The following CD34 variants were observed in gnomAD, a reference collection of about 807,000 sequenced individuals.
CD34 encodes the protein hematopoietic progenitor cell antigen CD34.
A neutral mutation model predicts 40.1 loss-of-function variants in CD34; 34 were observed. The observed-to-expected ratio is 0.85, with a 90% CI of 0.65 to 1.13. The LOEUF (loss-of-function observed/expected upper bound fraction) is 1.13, where lower values mean the gene tolerates loss of function less well. Ranked by LOEUF, CD34 falls within the 50% of genes most tolerant of loss-of-function variation. The pLI, the probability that CD34 is intolerant of heterozygous loss-of-function variation, is 0.00. For missense variants in CD34, 426 were observed against 466.9 expected, an observed-to-expected ratio of 0.91 and a Z score of 0.81; for synonymous variants, 209 against 190.0, an observed-to-expected ratio of 1.10 and a Z score of -0.82.
chr1:207,898,551 AC>A (rs1172245171), intron 3 of CD34, among the ~76,000 whole-genome samples: 2 of 152,188 alleles, frequency 1.3e-5, no homozygotes, highest in East Asian at 3.8e-4. Flanking sequence ...GCCTGGCACA[AC>A]CACCAAACCC....
intron 4 of CD34, among the ~76,000 whole-genome samples, chr1:207,891,692 C>G (rs188806948): frequency 6.6e-6 from 1 of 151,330 alleles, no homozygotes; most frequent in Non-Finnish European, 1.5e-5. Context: ...GTAACAGATG[C>G]CTATGATATC....
At chr1:207,903,006 T>C (rs888692845) in intron 1 of CD34, among the ~76,000 whole-genome samples, 1 of 152,106 alleles carries the variant, frequency 6.6e-6, no homozygotes, top group East Asian at 1.9e-4. Flanking sequence ...GAGCACCCTC[T>C]GAGACACCAG....
chr1:207,910,025 A>C (rs1211019367), intron 1 of CD34, among the ~76,000 whole-genome samples: 1 of 152,262 alleles, frequency 6.6e-6, no homozygotes, highest in Admixed American at 6.5e-5. Flanking sequence ...AGCAATGTAC[A>C]AAGTTTCAAA....
At chr1:207,894,345 A>G (rs1662107239) in intron 4 of CD34, among the ~76,000 whole-genome samples, 1 of 152,196 alleles carries the variant, frequency 6.6e-6, no homozygotes, top group Non-Finnish European at 1.5e-5. Flanking sequence ...AGGTACCTAG[A>G]GTAGGCAAAG....
At chr1:207,898,801 C>T (rs1662204085) in intron 3 of CD34, among the ~76,000 whole-genome samples, 172 bp downstream of exon 3, 1 of 152,248 alleles carries the variant, frequency 6.6e-6, no homozygotes, top group South Asian at 2.1e-4. Context: ...TACCCCTTTC[C>T]TCCTCTTTCT....
At chr1:207,898,346 T>C (rs1172075688) in intron 3 of CD34, among the ~76,000 whole-genome samples, 1 of 152,106 alleles carries the variant, frequency 6.6e-6, no homozygotes, top group African/African-American at 2.4e-5. Context: ...CGCCTGGCCC[T>C]GGCTCCTTTA....
rs1406918496 is a variant in CD34 at position 207,886,460 on chromosome 1, C to T, written c.*1278G>A. ...GCTGGTCCTCCCCACCACATCACTG[C>T]ACAGTCTAGCTAGGTCTAATGGAGG... On this transcript the variant is annotated 3_prime_UTR_variant, in exon 8 of 8. Coordinates refer to ENST00000310833, the MANE Select transcript of CD34 (RefSeq NM_001025109.2). 1 of 152,380 alleles carries T rather than the reference C, an allele frequency of 6.6e-6. No individual in the cohort carries two copies. The allele number at this position is 152,380 out of a possible 1,614,324, so 9.4% of individuals were successfully genotyped here.
intron 4 of CD34, among the ~76,000 whole-genome samples, chr1:207,893,272 T>C (rs1662072844): frequency 6.6e-6 from 1 of 152,084 alleles, no homozygotes; most frequent in African/African-American, 2.4e-5. Context: ...AGCATTGCAA[T>C]GGGGACGGAG....
In CD34 at chr1:207,887,734, C is replaced by G. The variant is rs781043790; in HGVS notation, c.*4G>C. ...ACTGCCCAGCCTTGCCCCACCTAGC[C>G]GAGTCACAATTCGGTATCAGCCACC... On this transcript the variant is annotated 3_prime_UTR_variant, in exon 8 of 8. Transcript: ENST00000310833. 4 of 1,613,948 alleles carry G rather than the reference C, an allele frequency of 2.5e-6. No homozygotes were observed. In the African/African-American group the frequency reaches 4.0e-5, roughly 16 times the overall value.
At position 207,881,650 on chromosome 1, in the gene CD34, A is replaced by G. The variant is rs1661813798; in HGVS notation, c.*6088T>C. ...ACTCCAGCCTGGGTGACAGAGCGAG[A>G]CTCCGTCTCAAAAAAAAAAAAAAAA... On this transcript the variant is annotated 3_prime_UTR_variant, in exon 8 of 8. Transcript: ENST00000310833. 1 of 121,774 alleles carries G rather than the reference A, an allele frequency of 8.2e-6. No homozygotes were observed. The highest frequency in any genetic ancestry group is 3.4e-5 in the African/African-American group (1 of 28,988). 7.5% of individuals were successfully genotyped at this position (121,774 alleles called of 1,614,324 possible). A position where few individuals can be genotyped will look rare whatever the true frequency, so the allele number is the denominator to read the frequency against.
At chr1:207,889,328 A>ACC (rs1318124918) in intron 5 of CD34, 115 bp from the exon 6 acceptor site, 16 of 1,555,268 alleles carry the variant, frequency 1.0e-5, no homozygotes, top group Middle Eastern at 3.5e-4. Context: ...TCTCGGGGGG[A>ACC]CCGCTCCCAA....
rs759763278 is a variant in CD34 at position 207,889,828 on chromosome 1, C to T, written c.598-207G>A. 4 of 1,577,308 alleles carry T rather than the reference C, an allele frequency of 2.5e-6. No individual in the cohort carries two copies. The South Asian group carries it at 3.6e-5, about 14-fold the overall frequency. On this transcript the variant is annotated intron_variant, in intron 4 of 7. Transcript: ENST00000310833. ...AAAAACCTAAATAATCTCCCAGGACCAAAATCCATATCTTCTAGTATCTAA... is the reference window on the plus strand; with the variant it reads ...AAAAACCTAAATAATCTCCCAGGACTAAAATCCATATCTTCTAGTATCTAA...
intron 1 of CD34, among the ~76,000 whole-genome samples, chr1:207,901,620 G>T (rs1213597899): frequency 6.6e-6 from 1 of 152,248 alleles, no homozygotes; most frequent in Non-Finnish European, 1.5e-5. Flanking sequence ...TGAATTCCAA[G>T]AATCTGAGCA....
At chr1:207,910,907 C>T in intron 1 of CD34, 95 bp downstream of exon 1, 1 of 1,284,098 alleles carries the variant, frequency 7.8e-7, no homozygotes, top group Non-Finnish European at 1.1e-6. Flanking sequence ...GGTCCCTTCC[C>T]TCCGTGAGAC....
rs773274873 is a variant in CD34 at position 207,888,711 on chromosome 1, G to A, written c.943C>T (p.Arg315Cys). 18 of 1,614,178 alleles carry A rather than the reference G, an allele frequency of 1.1e-5. No homozygotes were observed. Among genetic ancestry groups the A allele is most frequent in the Non-Finnish European group, 1.3e-5 (15 of 1,180,034 alleles). ...GITGYFLMNR[R>C]SWSPTGERLG... ...CTTTCTCCTGTGGGGCTCCAGCTGC[G>A]GCGATTCATCAGGAAATAGCCAGTG... The change falls in exon 7 of 8, where the codon CGC becomes TGC. Residue 315 changes from arginine to cysteine, a missense_variant. Transcript: ENST00000310833.
At chr1:207,899,307 C>A in intron 2 of CD34, 81 bp from the exon 3 acceptor site, 1 of 1,421,236 alleles carries the variant, frequency 7.0e-7, no homozygotes, top group Non-Finnish European at 9.8e-7. Context: ...TATGGGCATG[C>A]ACTTCAACAC....
chr1:207,901,582 C>G (rs1234876536), intron 1 of CD34, among the ~76,000 whole-genome samples: 1 of 152,250 alleles, frequency 6.6e-6, no homozygotes, highest in South Asian at 2.1e-4. Context: ...CAGGAGCCAT[C>G]TCTTCCTGCT....
At chr1:207,897,771 C>G (rs1662179625) in intron 3 of CD34, among the ~76,000 whole-genome samples, 198 bp from the exon 4 acceptor site, 2 of 152,208 alleles carry the variant, frequency 1.3e-5, no homozygotes, top group Admixed American at 6.5e-5. Flanking sequence ...TATCTATCCT[C>G]ATCAGATGAC....
At chr1:207,907,506 G>A (rs945211968) in intron 1 of CD34, among the ~76,000 whole-genome samples, 1 of 152,146 alleles carries the variant, frequency 6.6e-6, no homozygotes, top group South Asian at 2.1e-4. Flanking sequence ...TAAATCAGCT[G>A]CCTAGGGATG....
Sources: allele counts gnomAD v4.1 joint callset (sites outside exome capture counted in the v4.1 genomes callset), GRCh38; gene constraint gnomAD v4.1.1; transcripts MANE v1.5; gene names NCBI Gene and HGNC (gene_info 2026-07-23, HGNC 2026-07-21).